Variants in GRM8 observed in about 807,000 individuals in gnomAD.
The protein encoded by GRM8 is glutamate metabotropic receptor 8.
In GRM8, 47 loss-of-function variants were observed where a neutral mutation model predicts 87.2. The observed-to-expected ratio is 0.54, with a 90% CI of 0.43 to 0.69. The LOEUF (loss-of-function observed/expected upper bound fraction) is 0.69, where lower values mean the gene tolerates loss of function less well. Among genes scored for constraint, GRM8 ranks in the 30% least tolerant of loss-of-function variants. GRM8 has a pLI of 0.00. For missense variants in GRM8, 1,019 were observed against 1,139.2 expected (o/e 0.89, Z 1.52); for synonymous variants, 396 against 404.5 (o/e 0.98, Z 0.25).
chr7:126,563,929 A>G (rs1793963118), intron 8 of GRM8, among the ~76,000 whole-genome samples: 3 of 152,244 alleles, frequency 2.0e-5, no homozygotes, highest in Admixed American at 2.0e-4. Flanking sequence ...TAAAGGCTGC[A>G]GAATTTCTGG....
intron 9 of GRM8, among the ~76,000 whole-genome samples, chr7:126,481,250 A>C (rs529187776): frequency 6.6e-6 from 1 of 152,090 alleles, no homozygotes; most frequent in South Asian, 2.1e-4. Flanking sequence ...AGAACATCAC[A>C]GTAATAATTG....
intron 7 of GRM8, among the ~76,000 whole-genome samples, chr7:126,695,584 A>G (rs1266097317): frequency 4.6e-5 from 7 of 152,096 alleles, no homozygotes; most frequent in Non-Finnish European, 8.8e-5. Flanking sequence ...GAAATAACCT[A>G]TTTACCTCCC....
At chr7:126,569,206 T>TAA (rs1794492789) in intron 8 of GRM8, among the ~76,000 whole-genome samples, 1 of 152,162 alleles carries the variant, frequency 6.6e-6, no homozygotes. Flanking sequence ...GTGGGCCATC[T>TAA]AAAGACTGGG....
At chr7:126,573,484 T>C (rs911462244) in intron 8 of GRM8, among the ~76,000 whole-genome samples, 1 of 151,816 alleles carries the variant, frequency 6.6e-6, no homozygotes, top group African/African-American at 2.4e-5. Context: ...AGAAGAAAAA[T>C]CAGAATCTCA....
chr7:126,447,081 C>G (rs564113739), intron 9 of GRM8: 1 of 151,994 alleles, frequency 6.6e-6, no homozygotes, highest in South Asian at 2.1e-4. Flanking sequence ...GAAATTCTCC[C>G]CCTGTGCTCA....
chr7:126,684,603 T>G (rs893126258), intron 7 of GRM8, among the ~76,000 whole-genome samples: 3 of 152,282 alleles, frequency 2.0e-5, no homozygotes, highest in African/African-American at 7.2e-5. Context: ...AAAGTCTGGC[T>G]TGAAGGAGTA....
chr7:126,565,090 C>T (rs1794091114), intron 8 of GRM8, among the ~76,000 whole-genome samples: 1 of 152,114 alleles, frequency 6.6e-6, no homozygotes, highest in Non-Finnish European at 1.5e-5. Context: ...GAAAAGCCTA[C>T]AGGTAACATC....
At chr7:126,872,589 C>T (rs542754594) in intron 6 of GRM8, among the ~76,000 whole-genome samples, 2 of 152,170 alleles carry the variant, frequency 1.3e-5, no homozygotes, top group East Asian at 1.9e-4. Flanking sequence ...CACTCACCTT[C>T]TTTTGAGACC....
chr7:126,488,345 T>A (rs10258481), intron 9 of GRM8, among the ~76,000 whole-genome samples: 6,274 of 151,992 alleles, frequency 0.041, 399 homozygotes, highest in African/African-American at 0.14. Context: ...GATGGTTTAG[T>A]ATTATGATGA....
chr7:126,863,607 A>C (rs1202155743), intron 6 of GRM8, among the ~76,000 whole-genome samples: 2 of 152,182 alleles, frequency 1.3e-5, no homozygotes. Context: ...CTCTGAATTT[A>C]GTGTGCTCGA....
At chr7:126,552,118 A>C (rs1197122670) in intron 8 of GRM8, among the ~76,000 whole-genome samples, 1 of 152,142 alleles carries the variant, frequency 6.6e-6, no homozygotes, top group East Asian at 1.9e-4. Flanking sequence ...TATTTCTTCA[A>C]GAATTATTTC....
rs1050762563 is a variant in GRM8, at chr7:127,063,724, A to G, written c.727+42772T>C. Among the ~76,000 whole-genome samples, 147 of 152,288 alleles carry G rather than the reference A, an allele frequency of 9.7e-4. 1 individual carries two copies. Among genetic ancestry groups the G allele is most frequent in the African/African-American group, 3.5e-3 (145 of 41,562 alleles). On this transcript the variant is annotated intron_variant, in intron 3 of 10. Transcript: ENST00000339582. ...TTTCTCTAATTCTTGCAGTTGTGAA[A>G]TTAAGTTTTTAATTTGAGATCTTTT...
intron 2 of GRM8, among the ~76,000 whole-genome samples, chr7:127,230,817 A>AG (rs776072496): frequency 1.3e-5 from 2 of 152,046 alleles, no homozygotes; most frequent in Admixed American, 6.5e-5. Context: ...CAGAAATGTG[A>AG]GGGGAAAAAA....
At chr7:126,590,753 A>G (rs1796596586) in intron 8 of GRM8, among the ~76,000 whole-genome samples, 1 of 152,172 alleles carries the variant, frequency 6.6e-6, no homozygotes, top group Non-Finnish European at 1.5e-5. Flanking sequence ...TCAGCCAATA[A>G]TTTTGTATCC....
At chr7:126,463,525 T>C (rs1481290373) in intron 9 of GRM8, among the ~76,000 whole-genome samples, 1 of 151,560 alleles carries the variant, frequency 6.6e-6, no homozygotes, top group Non-Finnish European at 1.5e-5. Flanking sequence ...TCAAATATAA[T>C]CCCAAGCCAT....
intron 2 of GRM8, among the ~76,000 whole-genome samples, chr7:127,203,481 G>A (rs996833023): frequency 1.3e-5 from 2 of 152,204 alleles, no homozygotes; most frequent in South Asian, 2.1e-4. Context: ...GCCAAGGCGG[G>A]TGAATCACCT....
chr7:127,169,769 C>A (rs1793680198), intron 2 of GRM8, among the ~76,000 whole-genome samples: 1 of 152,192 alleles, frequency 6.6e-6, no homozygotes, highest in Non-Finnish European at 1.5e-5. Context: ...GATGTTAAAT[C>A]TACATTGCCT....
Position 126,927,827 on chromosome 7 carries a change from G to A in GRM8, c.728-23144C>T, listed in dbSNP as rs1805303542. 2.0e-5 allele frequency among the ~76,000 whole-genome samples: 3 copies of A among 152,102 alleles called. No individual in the cohort carries two copies. In the South Asian group the frequency reaches 6.2e-4, roughly 31 times the overall value. On this transcript the variant is annotated intron_variant, in intron 3 of 10. Transcript: ENST00000339582. ...GGTGTGGCAATTCCTCAAGGATCTAGAACTAGAAATACCATTTGACCCAGC... is the reference window on the plus strand; with the variant it reads ...GGTGTGGCAATTCCTCAAGGATCTAAAACTAGAAATACCATTTGACCCAGC...
intron 3 of GRM8, among the ~76,000 whole-genome samples, chr7:126,933,132 C>T (rs931201217): frequency 2.0e-5 from 3 of 152,314 alleles, no homozygotes; most frequent in Admixed American, 6.5e-5. Context: ...ACAAGAATGA[C>T]GCCTTCAGCA....
Sources: allele counts gnomAD v4.1 joint callset (sites outside exome capture counted in the v4.1 genomes callset), GRCh38; gene constraint gnomAD v4.1.1; transcripts MANE v1.5; gene names NCBI Gene and HGNC (gene_info 2026-07-23, HGNC 2026-07-21).